PPP4R1: variants seen among roughly 807,000 people sequenced by gnomAD.
The protein encoded by PPP4R1 is protein phosphatase 4 regulatory subunit 1, also known as serine/threonine-protein phosphatase 4 regulatory subunit 1.
In PPP4R1, 42 loss-of-function variants were observed where a neutral mutation model predicts 111.2. That is an observed-to-expected ratio of 0.38 (90% CI 0.29 to 0.49). PPP4R1 has a LOEUF of 0.49. Ranked by LOEUF, PPP4R1 falls within the 20% of genes least tolerant of loss-of-function variation. The pLI is 0.97. For synonymous variants in PPP4R1, 409 were observed against 405.5 expected, an observed-to-expected ratio of 1.01 and a Z score of -0.10; for missense variants, 1,012 against 1,161.6, an observed-to-expected ratio of 0.87 and a Z score of 1.87.
At chr18:9,554,463 C>T (rs2066538789) in intron 15 of PPP4R1, among the ~76,000 whole-genome samples, 1 of 151,716 alleles carries the variant, frequency 6.6e-6, no homozygotes, top group African/African-American at 2.4e-5. Context: ...TTACTAAGAA[C>T]AGACTTTTTA....
At chr18:9,614,698 C>T (rs961592166), upstream of PPP4R1, 1 of 144,476 alleles carries the variant, frequency 6.9e-6, no homozygotes, top group African/African-American at 2.5e-5. This position sits in a 1 kb window ranked among gnomAD's most constrained non-coding sequence, Gnocchi z 4.1. Flanking sequence ...CCCCGCCCCG[C>T]CCCGCCTGCC....
At position 9,595,157 on chromosome 18, in the gene PPP4R1, T is replaced by A; in HGVS notation, c.53-4A>T. 1 of 1,613,232 alleles carries A rather than the reference T, an allele frequency of 6.2e-7. No individual in the cohort carries two copies. Among genetic ancestry groups the A allele is most frequent in the Non-Finnish European group, 8.5e-7 (1 of 1,179,512 alleles). On this transcript the variant is annotated splice_region_variant and splice_polypyrimidine_tract_variant and intron_variant, in intron 2 of 19. Coordinates refer to ENST00000400556, the MANE Select transcript of PPP4R1 (RefSeq NM_001042388.3). ...GAGCTGTAGTCATCCACACCAACTA[T>A]CAGAGACATCAGAAATACTCCTTAT...
At chr18:9,599,389 C>T (rs886776051) in intron 2 of PPP4R1, among the ~76,000 whole-genome samples, 2 of 151,976 alleles carry the variant, frequency 1.3e-5, no homozygotes, top group African/African-American at 4.8e-5. Context: ...CAGTACACCA[C>T]CTAAGTAATC....
chr18:9,549,207 T>A lies in PPP4R1; in HGVS notation c.2679A>T (p.Leu893=). The A allele has an allele frequency of 3.1e-6, 5 of 1,613,148 alleles. No individual in the cohort carries two copies. Among genetic ancestry groups the A allele is most frequent in the Non-Finnish European group, 4.2e-6 (5 of 1,179,096 alleles). The change falls in exon 19 of 20, where the codon CTA becomes CTT. Residue 893 remains leucine, a synonymous_variant. Coordinates refer to ENST00000400556, the MANE Select transcript of PPP4R1 (RefSeq NM_001042388.3). ...GGAGTCACTACCTACCTTTTTCTAG[T>A]AGAGTTTGTCTTAATGTCTTTGCAA... is the stretch of plus-strand genomic sequence containing the variant. ...VLLAKTLRQT[L]LEKDYFLASA... is the part of the protein sequence containing the mutation.
chr18:9,551,133 CA>C (rs1296245903), intron 16 of PPP4R1: 1 of 152,156 alleles, frequency 6.6e-6, no homozygotes, highest in Non-Finnish European at 1.5e-5. Flanking sequence ...TGACAAAATT[CA>C]AAATAAAAAT....
At chr18:9,597,011 T>C (rs1404799880) in intron 2 of PPP4R1, among the ~76,000 whole-genome samples, 2 of 152,200 alleles carry the variant, frequency 1.3e-5, no homozygotes, top group Non-Finnish European at 2.9e-5. Context: ...ATAGTGTCTG[T>C]AGTCCCAGCT....
chr18:9,611,841 G>A (rs1193628035), intron 2 of PPP4R1, among the ~76,000 whole-genome samples: 5 of 151,476 alleles, frequency 3.3e-5, no homozygotes, highest in South Asian at 4.2e-4. Flanking sequence ...GAGAAACCCC[G>A]TCTCTACTAA....
intron 2 of PPP4R1, among the ~76,000 whole-genome samples, chr18:9,596,060 C>T (rs1303581102): frequency 6.6e-6 from 1 of 152,142 alleles, no homozygotes; most frequent in African/African-American, 2.4e-5. Flanking sequence ...ACAAAATATA[C>T]TTTCCAGAAC....
chr18:9,551,007 G>C (rs1318292436), intron 16 of PPP4R1: 1 of 152,242 alleles, frequency 6.6e-6, no homozygotes, highest in East Asian at 1.9e-4. Context: ...ATGTTCAAGA[G>C]GATTTACATT....
chr18:9,562,273 C>T (rs971991272), intron 12 of PPP4R1, among the ~76,000 whole-genome samples, 198 bp from the exon 13 acceptor site: 11 of 152,116 alleles, frequency 7.2e-5, no homozygotes, highest in South Asian at 4.2e-4. Context: ...GTCAAGTGTA[C>T]GAAAACCAAT....
chr18:9,582,323 A>T (rs2067042527), intron 9 of PPP4R1, among the ~76,000 whole-genome samples: 1 of 68,000 alleles, frequency 1.5e-5, no homozygotes, highest in Non-Finnish European at 3.4e-5. Flanking sequence ...GACTCAAATT[A>T]CTCAAATAGG....
At chr18:9,565,986 C>T (rs896536900) in intron 11 of PPP4R1, among the ~76,000 whole-genome samples, 1 of 152,052 alleles carries the variant, frequency 6.6e-6, no homozygotes, top group African/African-American at 2.4e-5. Flanking sequence ...TCTTGGCTCA[C>T]TGCAACCCCT....
At chr18:9,549,156 T>C in intron 19 of PPP4R1, 41 bp downstream of exon 19, 1 of 1,594,354 alleles carries the variant, frequency 6.3e-7, no homozygotes. Context: ...ACAGACCTCC[T>C]TCTCTACTCA....
chr18:9,587,231 C>T (rs80157507), intron 6 of PPP4R1, among the ~76,000 whole-genome samples: 8,608 of 152,238 alleles, frequency 0.057, 307 homozygotes, highest in Middle Eastern at 0.092. Context: ...CAGTTTTCCA[C>T]TTTGACATAA....
intron 4 of PPP4R1, chr18:9,589,762 G>A (rs1025619853): frequency 1.3e-5 from 2 of 152,296 alleles, no homozygotes; most frequent in African/African-American, 2.4e-5. Flanking sequence ...GCCAGGTGTG[G>A]TGGTGCATGC....
In PPP4R1 at chr18:9,593,815, T is replaced by C. The variant is rs2067249206; in HGVS notation, c.248A>G (p.Asp83Gly). Reference protein sequence around the residue: ...TLREVCDDERDCIAVLERISR... With the variant: ...TLREVCDDERGCIAVLERISR... ...AATTCTTTCCAAAACAGCAATACAA[T>C]CTCTTTCATCATCGCAGACTTCCCT... Residue 83 changes from aspartate (D) to glycine (G), a missense_variant, in exon 4 of 20, where the codon GAT becomes GGT. Physicochemically the swap from Asp to Gly is moderately conservative, Grantham distance 94 (BLOSUM62 -1). This residue lies in a region of PPP4R1 where 707 missense variants were observed against 742.1 expected (regional missense o/e 0.95). Coordinates refer to ENST00000400556, the MANE Select transcript of PPP4R1 (RefSeq NM_001042388.3). 4 of 1,613,808 alleles carry C rather than the reference T, an allele frequency of 2.5e-6. No individual in the cohort carries two copies. Among genetic ancestry groups the C allele is most frequent in the Non-Finnish European group, 3.4e-6 (4 of 1,179,932 alleles).
At chr18:9,578,236 T>G (rs956554172) in intron 9 of PPP4R1, among the ~76,000 whole-genome samples, 1 of 152,208 alleles carries the variant, frequency 6.6e-6, no homozygotes, top group African/African-American at 2.4e-5. Context: ...CCCTGAAGTT[T>G]AGCATTCCTT....
In PPP4R1 at chr18:9,614,100, C is replaced by G. The variant is rs1341425011; in HGVS notation, c.52+126G>C. 34 of 850,734 alleles carry G rather than the reference C, an allele frequency of 4.0e-5. No homozygotes were observed. The highest frequency in any genetic ancestry group is 4.6e-6 in the Non-Finnish European group (3 of 654,364). 52.7% of individuals were successfully genotyped at this position (850,734 alleles called of 1,614,324 possible). Reference sequence around the variant, plus strand: ...TTCCCCCCCGATCGCCACCCCAGCCCGCCTGGGGCCGCCCTCGCCCACCGT... The same window carrying G: ...TTCCCCCCCGATCGCCACCCCAGCCGGCCTGGGGCCGCCCTCGCCCACCGT... On this transcript the variant is annotated intron_variant, in intron 2 of 19. Transcript: ENST00000400556. The surrounding 1 kb of genome is among the most constrained non-coding windows in gnomAD (Gnocchi z 4.1).
chr18:9,592,276 C>CT (rs1398538311), intron 4 of PPP4R1, among the ~76,000 whole-genome samples: 4 of 152,166 alleles, frequency 2.6e-5, no homozygotes, highest in Non-Finnish European at 4.4e-5. Flanking sequence ...CCTGGAAACT[C>CT]AGCAGGTTAG....
Sources: gnomAD v4.1 joint callset for allele counts (sites outside exome capture counted in the v4.1 genomes callset) on GRCh38, gnomAD v4.1.1 for gene constraint, gnomAD v4.1.1 regional missense constraint, Gnocchi (gnomAD v3.1) non-coding constraint, MANE v1.5 for transcripts, NCBI Gene and HGNC (gene_info 2026-07-23, HGNC 2026-07-21) for gene names.